PDE1A: variants seen among roughly 807,000 people sequenced by gnomAD.
PDE1A encodes the protein phosphodiesterase 1A.
A neutral mutation model predicts 61.7 loss-of-function variants in PDE1A; 35 were observed. The ratio of observed to expected loss-of-function variants is 0.57; its 90% CI spans 0.43 to 0.75. The LOEUF (loss-of-function observed/expected upper bound fraction) is 0.75, where lower values mean the gene tolerates loss of function less well. PDE1A is among the 30% of genes least tolerant of loss of function. The pLI, the probability that PDE1A is intolerant of heterozygous loss-of-function variation, is 0.00. For synonymous variants in PDE1A, 232 were observed against 213.2 expected (o/e 1.09, Z -0.77); for missense variants, 597 against 630.6 (o/e 0.95, Z 0.57).
At chr2:182,477,198 G>A (rs1383833933) in intron 2 of PDE1A, among the ~76,000 whole-genome samples, 1 of 151,812 alleles carries the variant, frequency 6.6e-6, no homozygotes, top group African/African-American at 2.4e-5. Context: ...TGTACTGCGG[G>A]GTAATGCAAA....
At chr2:182,690,065 G>T in the PDE1A span, among the ~76,000 whole-genome samples, 2 of 152,082 alleles carry the variant, frequency 1.3e-5, no homozygotes, top group African/African-American at 4.8e-5. Context: ...AAAAGTCCAG[G>T]ACCAGATGGA....
chr2:182,618,257 A>T, the PDE1A span, among the ~76,000 whole-genome samples: 8 of 152,252 alleles, frequency 5.3e-5, no homozygotes, highest in Non-Finnish European at 1.5e-5. Context: ...GAATTATTAT[A>T]GTGTCATAAA....
At chr2:182,262,130 CT>C (rs771009011) in intron 2 of PDE1A, among the ~76,000 whole-genome samples, 2 of 149,304 alleles carry the variant, frequency 1.3e-5, no homozygotes, top group Non-Finnish European at 2.9e-5. Context: ...TTTCTTTCTC[CT>C]TTCTTTCTTT....
the PDE1A span, among the ~76,000 whole-genome samples, chr2:182,664,764 G>A: frequency 6.6e-6 from 1 of 152,140 alleles, no homozygotes; most frequent in Non-Finnish European, 1.5e-5. Flanking sequence ...TGGATCCATG[G>A]AACTTCTGGA....
chr2:182,527,351 T>TATACAC (rs1690794527), upstream of PDE1A, among the ~76,000 whole-genome samples: 1 of 79,842 alleles, frequency 1.3e-5, no homozygotes, highest in Non-Finnish European at 2.3e-5. Context: ...TATATATATA[T>TATACAC]ATATATATAT....
intron 1 of PDE1A, among the ~76,000 whole-genome samples, chr2:182,380,012 A>G (rs1700632121): frequency 6.6e-6 from 1 of 151,034 alleles, no homozygotes. Context: ...AATGCTTACT[A>G]TGGTCCTTTA....
chr2:182,259,844 A>G (rs906137748), intron 2 of PDE1A, among the ~76,000 whole-genome samples: 4 of 152,254 alleles, frequency 2.6e-5, no homozygotes, highest in South Asian at 2.1e-4. Flanking sequence ...TTGCTTGGCA[A>G]TATCCCAATC....
intron 2 of PDE1A, among the ~76,000 whole-genome samples, chr2:182,479,580 G>T (rs1261246975): frequency 6.6e-6 from 1 of 151,670 alleles, no homozygotes; most frequent in African/African-American, 2.4e-5. Context: ...ACACATGACT[G>T]ATTTTGATCT....
chr2:182,700,727 A>AAAAAAAAAAAAAAAAAAC, the PDE1A span, among the ~76,000 whole-genome samples: 1 of 141,612 alleles, frequency 7.1e-6, no homozygotes. Context: ...ATCTCAAAAA[A>AAAAAAAAAAAAAAAAAAC]AAAAAAAAAA....
At chr2:182,462,502 C>G (rs1443219646) in intron 2 of PDE1A, among the ~76,000 whole-genome samples, 2 of 151,814 alleles carry the variant, frequency 1.3e-5, no homozygotes, top group Non-Finnish European at 2.9e-5. Context: ...CAAGGACAGC[C>G]ACGTTTAGGC....
At chr2:182,179,830 A>G (rs1022886200) in intron 13 of PDE1A, among the ~76,000 whole-genome samples, 1 of 152,166 alleles carries the variant, frequency 6.6e-6, no homozygotes, top group Non-Finnish European at 1.5e-5. Flanking sequence ...AATGAACCTT[A>G]TTTTTAAGAG....
At chr2:182,159,443 A>C (rs2125293825) in intron 13 of PDE1A, among the ~76,000 whole-genome samples, 1 of 152,340 alleles carries the variant, frequency 6.6e-6, no homozygotes, top group Non-Finnish European at 1.5e-5. Flanking sequence ...TAGGTTAATT[A>C]AGAATGGAAA....
the PDE1A span, among the ~76,000 whole-genome samples, chr2:182,634,814 C>T: frequency 6.6e-6 from 1 of 152,196 alleles, no homozygotes; most frequent in African/African-American, 2.4e-5. Flanking sequence ...AAAATTCACA[C>T]AGCATATATG....
At chr2:182,584,858 A>G in the PDE1A span, among the ~76,000 whole-genome samples, 4 of 152,288 alleles carry the variant, frequency 2.6e-5, no homozygotes, top group East Asian at 5.8e-4. Flanking sequence ...CACCCCAATA[A>G]TTAACTCCAC....
At chr2:182,266,418 T>G (rs1692637123) in intron 1 of PDE1A, among the ~76,000 whole-genome samples, 2 of 152,182 alleles carry the variant, frequency 1.3e-5, no homozygotes, top group Admixed American at 6.6e-5. Context: ...AAGTAGAAGA[T>G]AGAGTTTTTG....
At chr2:182,475,400 C>T (rs889938998) in intron 2 of PDE1A, among the ~76,000 whole-genome samples, 3 of 151,874 alleles carry the variant, frequency 2.0e-5, no homozygotes, top group Non-Finnish European at 4.4e-5. Context: ...CCAAACTCTT[C>T]AAATCAGACA....
At chr2:182,363,085 G>T (rs747292675) in intron 1 of PDE1A, among the ~76,000 whole-genome samples, 1 of 151,932 alleles carries the variant, frequency 6.6e-6, no homozygotes, top group African/African-American at 2.4e-5. Context: ...GGAGGAGGAA[G>T]AGGATCAGGA....
chr2:182,550,784 T>C, the PDE1A span, among the ~76,000 whole-genome samples: 26 of 152,286 alleles, frequency 1.7e-4, no homozygotes, highest in Non-Finnish European at 3.2e-4. Context: ...ATTGTTTCCA[T>C]CTTGTGGTTC....
chr2:182,583,172 T>C, the PDE1A span, among the ~76,000 whole-genome samples: 1 of 152,308 alleles, frequency 6.6e-6, no homozygotes, highest in Middle Eastern at 3.4e-3. Flanking sequence ...GGTTTTGTTT[T>C]TAATAAGAGA....
Sources: gnomAD v4.1 joint callset for allele counts (sites outside exome capture counted in the v4.1 genomes callset) on GRCh38, gnomAD v4.1.1 for gene constraint, MANE v1.5 for transcripts, NCBI Gene and HGNC (gene_info 2026-07-23, HGNC 2026-07-21) for gene names.